NNT: variants seen among roughly 807,000 people sequenced by gnomAD.
NNT encodes nicotinamide nucleotide transhydrogenase.
A neutral mutation model predicts 104.8 loss-of-function variants in NNT; 50 were observed. The ratio of observed to expected loss-of-function variants is 0.48; its 90% CI spans 0.38 to 0.60. The LOEUF (loss-of-function observed/expected upper bound fraction) is 0.60. Ranked by LOEUF, NNT falls within the 20% of genes least tolerant of loss-of-function variation. The probability of loss-of-function intolerance (pLI) is 0.00; values close to 1 mark genes in which losing one functional copy is unlikely to be tolerated. For synonymous variants in NNT, 461 were observed against 490.4 expected (o/e 0.94, Z 0.79); for missense variants, 1,131 against 1,330.7 (o/e 0.85, Z 2.33).
chr5:43,621,141 T>G (rs535571288), intron 5 of NNT, among the ~76,000 whole-genome samples: 1 of 152,364 alleles, frequency 6.6e-6, no homozygotes, highest in African/African-American at 2.4e-5. Flanking sequence ...CTTACCTGTC[T>G]AGAACAAGTT....
intron 17 of NNT, among the ~76,000 whole-genome samples, 180 bp downstream of exon 17, chr5:43,659,530 A>C (rs1271509941): frequency 6.6e-6 from 1 of 152,128 alleles, no homozygotes; most frequent in Admixed American, 6.5e-5. Context: ...GGAGTTCAAG[A>C]CCAGCCTGCC....
At chr5:43,692,700 T>C (rs1742354538) in intron 19 of NNT, among the ~76,000 whole-genome samples, 1 of 152,234 alleles carries the variant, frequency 6.6e-6, no homozygotes, top group African/African-American at 2.4e-5. Flanking sequence ...ATCACATTTA[T>C]CAGTTCATGG....
rs1561296231 is a variant in NNT at position 43,656,737 on chromosome 5, T to A, written c.2378T>A (p.Ile793Asn). The A allele has an allele frequency of 3.1e-6, 5 of 1,614,184 alleles. No homozygotes were observed. The part of the protein sequence containing the change: ...GLLAASVGGI[I>N]PFMVDPSFTT... ...CTGGCTGCTAGTGTGGGCGGGATAA[T>A]CCCATTCATGGTGGACCCAAGCTTT... Residue 793 changes from isoleucine to asparagine, a missense_variant, in exon 16 of 22, where the codon ATC becomes AAC. Transcript: ENST00000344920.
rs753319948 is a variant in NNT, at chr5:43,650,515, C to T, written c.1645C>T (p.His549Tyr). The T allele has an allele frequency of 1.4e-5, 22 of 1,613,954 alleles. No individual in the cohort carries two copies. Among genetic ancestry groups the T allele is most frequent in the Middle Eastern group, 3.3e-4 (2 of 6,084 alleles). The change falls in exon 12 of 22, where the codon CAT (histidine) becomes TAT (tyrosine). Residue 549 changes from histidine (H) to tyrosine (Y), a missense_variant. By Grantham distance (83) the His-to-Tyr change is moderately conservative. Coordinates refer to ENST00000344920, the MANE Select transcript of NNT (RefSeq NM_182977.3). The stretch of plus-strand genomic sequence containing the variant: ...TGGTGGGTTGGCACTGATGGGAGGA[C>T]ATTTGTATCCTTCCACAACTTCTCA... ...AVGGLALMGG[H>Y]LYPSTTSQGL...
intron 19 of NNT, among the ~76,000 whole-genome samples, chr5:43,679,230 T>C (rs1055388055): frequency 6.6e-6 from 1 of 152,262 alleles, no homozygotes; most frequent in Admixed American, 6.5e-5. Flanking sequence ...CAACGTTTTA[T>C]GATTTTCCTA....
intron 10 of NNT, among the ~76,000 whole-genome samples, chr5:43,647,302 A>G (rs1327249298): frequency 2.0e-5 from 3 of 152,242 alleles, no homozygotes; most frequent in African/African-American, 7.2e-5. Context: ...TGTGTTGTAC[A>G]TGGAACATAT....
chr5:43,638,119 G>A lies in NNT; in HGVS notation c.965-6073G>A, dbSNP rs372746731. 9.9e-5 allele frequency among the ~76,000 whole-genome samples: 15 copies of A among 152,166 alleles called. 1 individual carries two copies. The South Asian group carries it at 3.1e-3, about 32-fold the overall frequency. The stretch of plus-strand genomic sequence containing the variant: ...TTATAAGGAGCTTCCCCCTTCACTG[G>A]GCACTCATTTCTTTCTGCTTCTGCC... On this transcript the variant is annotated intron_variant, in intron 7 of 21. Coordinates refer to ENST00000344920, the MANE Select transcript of NNT (RefSeq NM_182977.3).
intron 3 of NNT, chr5:43,613,706 A>G (rs1304258619): frequency 2.0e-5 from 3 of 152,306 alleles, no homozygotes; most frequent in African/African-American, 7.2e-5. Flanking sequence ...AATATTAAAT[A>G]AAAAATCCTT....
At position 43,645,364 on chromosome 5, in the gene NNT, A is replaced by C; in HGVS notation, c.1298A>C (p.Lys433Thr). The C allele has an allele frequency of 6.5e-7, 1 of 1,540,986 alleles. No individual in the cohort carries two copies. Residue 433 changes from lysine (K) to threonine (T), a missense_variant, in exon 10 of 22, where the codon AAA becomes ACA. Physicochemically the swap from Lys to Thr is moderately conservative, Grantham distance 78. Coordinates refer to ENST00000344920, the MANE Select transcript of NNT (RefSeq NM_182977.3). ...IRGTVVMKDG[K>T]VIFPAPTPKN... The stretch of plus-strand genomic sequence containing the variant: ...TTTTTTAATGTCTATTAGGATGGTA[A>C]AGTGATTTTCCCAGCTCCCACACCG...
At chr5:43,689,210 T>G (rs1742138174) in intron 19 of NNT, among the ~76,000 whole-genome samples, 1 of 152,218 alleles carries the variant, frequency 6.6e-6, no homozygotes, top group South Asian at 2.1e-4. Flanking sequence ...TTCATGTCCT[T>G]AGGCCACTTT....
At chr5:43,620,613 G>A (rs1042144548) in intron 5 of NNT, among the ~76,000 whole-genome samples, 2 of 151,770 alleles carry the variant, frequency 1.3e-5, no homozygotes, top group Non-Finnish European at 2.9e-5. Flanking sequence ...GCAAATAGTA[G>A]CTTTGAGAAA....
At chr5:43,694,282 G>T (rs1427954559) in intron 19 of NNT, among the ~76,000 whole-genome samples, 1 of 152,096 alleles carries the variant, frequency 6.6e-6, no homozygotes, top group Non-Finnish European at 1.5e-5. Flanking sequence ...TCTTTCTCTT[G>T]CCTGATTGCT....
chr5:43,678,257 C>G (rs1741524752), intron 19 of NNT, among the ~76,000 whole-genome samples: 1 of 152,152 alleles, frequency 6.6e-6, no homozygotes, highest in African/African-American at 2.4e-5. Flanking sequence ...TAAGTGGACC[C>G]TCTCAGCTCA....
Position 43,656,075 on chromosome 5 carries a change from TA to T in NNT, c.2293+4del, listed in dbSNP as rs748360025. ...TCATTGCCTATGGAAAATTGCAGGG[TA>T]AGTGATTCAGCATAACATAGAGGTA... On this transcript the variant is annotated splice_donor_region_variant and intron_variant, in intron 15 of 21. Transcript: ENST00000344920. The T allele has an allele frequency of 6.2e-7, 1 of 1,609,372 alleles. No individual in the cohort carries two copies. The highest frequency in any genetic ancestry group is 8.5e-7 in the Non-Finnish European group (1 of 1,175,680).
intron 18 of NNT, among the ~76,000 whole-genome samples, chr5:43,677,307 T>G (rs13168446): frequency 6.6e-6 from 1 of 151,402 alleles, no homozygotes; most frequent in African/African-American, 2.4e-5. Context: ...GAAAAACTAT[T>G]CAAGGAACTA....
At chr5:43,675,936 T>C (rs1020491623) in intron 18 of NNT, among the ~76,000 whole-genome samples, 7 of 152,212 alleles carry the variant, frequency 4.6e-5, no homozygotes, top group African/African-American at 1.4e-4. Context: ...GTTTACATCA[T>C]TTTCGAGTCT....
At position 43,660,755 on chromosome 5, in the gene NNT, T is replaced by G. The variant is rs115045420; in HGVS notation, c.2634+1405T>G. Among the ~76,000 whole-genome samples the G allele has an allele frequency of 2.2e-3, 334 of 152,144 alleles. 1 individual carries two copies. The highest frequency in any genetic ancestry group is 7.8e-3 in the African/African-American group (322 of 41,516). ...AGTGAAGGGGGATGTGCCACACACT[T>G]TTAAAGCACCAGATCTCGTGAGAAC... On this transcript the variant is annotated intron_variant, in intron 17 of 21. Coordinates refer to ENST00000344920, the MANE Select transcript of NNT (RefSeq NM_182977.3).
chr5:43,644,394 CT>C (rs1352902630), intron 8 of NNT, 69 bp downstream of exon 8: 1 of 1,543,128 alleles, frequency 6.5e-7, no homozygotes. Context: ...GTGTTTATTT[CT>C]TTAAATATTT....
At chr5:43,701,551 G>T (rs1020653409) in intron 20 of NNT, among the ~76,000 whole-genome samples, 6 of 152,150 alleles carry the variant, frequency 3.9e-5, no homozygotes, top group African/African-American at 1.4e-4. Flanking sequence ...ACATGCTAGT[G>T]AATGTGTCTT....
Sources: allele counts gnomAD v4.1 joint callset (sites outside exome capture counted in the v4.1 genomes callset), GRCh38; gene constraint gnomAD v4.1.1; transcripts MANE v1.5; gene names NCBI Gene and HGNC (gene_info 2026-07-23, HGNC 2026-07-21).